Variants in MCF2L observed in about 807,000 individuals in gnomAD.
MCF2L encodes guanine nucleotide exchange factor DBS.
Under a neutral mutation model 153.4 loss-of-function variants are expected in MCF2L, and 97 were observed. The observed-to-expected ratio is 0.63, with a 90% CI of 0.54 to 0.75. The LOEUF (loss-of-function observed/expected upper bound fraction) is 0.75, where lower values mean the gene tolerates loss of function less well. MCF2L is among the 30% of genes least tolerant of loss of function. MCF2L has a pLI of 0.00. For missense variants in MCF2L, 1,347 were observed against 1,495.2 expected, an observed-to-expected ratio of 0.90 and a Z score of 1.64; for synonymous variants, 659 against 632.2, an observed-to-expected ratio of 1.04 and a Z score of -0.64.
chr13:112,942,290 A>G (rs1163279949), intron 2 of MCF2L, among the ~76,000 whole-genome samples: 1 of 152,198 alleles, frequency 6.6e-6, no homozygotes, highest in Non-Finnish European at 1.5e-5. Flanking sequence ...ATAATGGCGT[A>G]AGCTGTCTCT....
chr13:112,989,948 C>A (rs552930476), intron 1 of MCF2L, among the ~76,000 whole-genome samples: 10 of 152,320 alleles, frequency 6.6e-5, no homozygotes, highest in African/African-American at 2.4e-4. Context: ...ATAAGGAGCT[C>A]ACAGCCTAGA....
chr13:113,095,445 AC>A, intron 27 of MCF2L: 2 of 1,081,960 alleles, frequency 1.8e-6, no homozygotes, highest in Non-Finnish European at 2.2e-6. Flanking sequence ...AGGAGGGGAA[AC>A]AGGCTGGTGG....
rs1044643355 is a variant in MCF2L at position 113,099,640 on chromosome 13, A to G, written c.*2781A>G. On this transcript the variant is annotated 3_prime_UTR_variant, in exon 30 of 30. Coordinates refer to ENST00000535094, the MANE Select transcript of MCF2L (RefSeq NM_001112732.3). ...AAAAGAGAATAACAAAATCAAAAGCAAAACTCAAACTTTGTACCTGAAAAA... is the reference window on the plus strand; with the variant it reads ...AAAAGAGAATAACAAAATCAAAAGCGAAACTCAAACTTTGTACCTGAAAAA... 2.0e-5 allele frequency: 3 copies of G among 152,248 alleles called. No homozygotes were observed. The highest frequency in any genetic ancestry group is 4.4e-5 in the Non-Finnish European group (3 of 68,040). 9.4% of individuals were successfully genotyped at this position (152,248 alleles called of 1,614,324 possible).
chr13:113,042,673 G>C (rs951527079), intron 3 of MCF2L: 1 of 152,272 alleles, frequency 6.6e-6, no homozygotes, highest in Non-Finnish European at 1.5e-5. Flanking sequence ...GGCACTGTGG[G>C]CAGTGAGGCA....
At chr13:113,033,107 A>T (rs1399871521) in intron 3 of MCF2L, among the ~76,000 whole-genome samples, 26 of 77,386 alleles carry the variant, frequency 3.4e-4, no homozygotes, top group Non-Finnish European at 6.1e-4. Flanking sequence ...GGCTGCCATG[A>T]CGTGAGTGGC....
At chr13:113,083,038 G>T (rs1163891511) in intron 17 of MCF2L, among the ~76,000 whole-genome samples, 1 of 152,196 alleles carries the variant, frequency 6.6e-6, no homozygotes, top group Non-Finnish European at 1.5e-5. Context: ...TCCCCCGAGC[G>T]ACCCGTGGCC....
chr13:113,095,605 C>G, intron 27 of MCF2L: 1 of 995,932 alleles, frequency 1.0e-6, no homozygotes, highest in South Asian at 4.5e-5. Context: ...TCCTCTTGCT[C>G]CAGGCCATCA....
At chr13:113,004,246 G>A (rs942404640) in intron 1 of MCF2L, among the ~76,000 whole-genome samples, 1 of 152,202 alleles carries the variant, frequency 6.6e-6, no homozygotes, top group African/African-American at 2.4e-5. Context: ...TGGCAGAGGA[G>A]GACGGGGCAC....
chr13:113,001,955 G>A (rs750666593), intron 1 of MCF2L: 167 of 1,592,194 alleles, frequency 1.0e-4, no homozygotes, highest in Middle Eastern at 6.1e-4. Flanking sequence ...ACCTCTGGGC[G>A]CTGTGGCTGC....
intron 2 of MCF2L, among the ~76,000 whole-genome samples, chr13:112,953,503 G>C (rs565022518): frequency 6.6e-6 from 1 of 152,346 alleles, no homozygotes; most frequent in South Asian, 2.1e-4. Context: ...AAGGGTGTTG[G>C]GAGCTCGAAG....
At chr13:113,076,725 C>T (rs2033519433) in intron 12 of MCF2L, among the ~76,000 whole-genome samples, 1 of 152,272 alleles carries the variant, frequency 6.6e-6, no homozygotes, top group Non-Finnish European at 1.5e-5. Context: ...GTGTGTTCTT[C>T]AGGAAGGGCC....
chr13:113,017,609 G>A (rs1057005304), intron 2 of MCF2L, among the ~76,000 whole-genome samples: 7 of 152,202 alleles, frequency 4.6e-5, no homozygotes, highest in Non-Finnish European at 8.8e-5. Flanking sequence ...CTGGCTCAGA[G>A]GTTTGCTGTC....
chr13:112,918,307 A>G (rs1246578185), intron 2 of MCF2L, among the ~76,000 whole-genome samples: 1 of 152,220 alleles, frequency 6.6e-6, no homozygotes, highest in Non-Finnish European at 1.5e-5. Flanking sequence ...TGGGGATCAC[A>G]GGAACGTCAC....
chr13:112,931,808 C>T (rs886694219), intron 2 of MCF2L, among the ~76,000 whole-genome samples: 4 of 152,064 alleles, frequency 2.6e-5, no homozygotes, highest in African/African-American at 7.2e-5. Context: ...CCCAAACCCA[C>T]GTGGATGGGG....
At chr13:112,959,472 G>A (rs997824721) in intron 2 of MCF2L, among the ~76,000 whole-genome samples, 4 of 152,062 alleles carry the variant, frequency 2.6e-5, no homozygotes, top group Non-Finnish European at 5.9e-5. Context: ...GTTCCTTCTC[G>A]AGAACACAGT....
At chr13:113,033,229 C>T (rs1439521417) in intron 3 of MCF2L, among the ~76,000 whole-genome samples, 45 of 126,426 alleles carry the variant, frequency 3.6e-4, no homozygotes, top group South Asian at 1.1e-3. Flanking sequence ...GAGTGGCCCC[C>T]GTGACGTGAG....
intron 9 of MCF2L, among the ~76,000 whole-genome samples, chr13:113,072,410 T>C (rs370863371): frequency 8.5e-5 from 13 of 152,330 alleles, no homozygotes; most frequent in African/African-American, 3.1e-4. Context: ...AGACTGGACA[T>C]CTCTGCTTTG....
intron 1 of MCF2L, among the ~76,000 whole-genome samples, chr13:113,011,412 ATGGACAGGTGGTGTGGACGG>A (rs2084086764): frequency 6.6e-6 from 1 of 151,772 alleles, no homozygotes; most frequent in East Asian, 1.9e-4. Context: ...AGTGCAGATG[ATGGACAGGTGGTGTGGACGG>A]TGGACAGGTG....
At chr13:112,920,700 G>A (rs1176250033) in intron 2 of MCF2L, among the ~76,000 whole-genome samples, 3 of 148,520 alleles carry the variant, frequency 2.0e-5, no homozygotes, top group Non-Finnish European at 4.5e-5. Flanking sequence ...TGGGTTGTGG[G>A]TGGGTGCTGG....
Sources: gnomAD v4.1 joint callset for allele counts (sites outside exome capture counted in the v4.1 genomes callset) on GRCh38, gnomAD v4.1.1 for gene constraint, MANE v1.5 for transcripts, NCBI Gene and HGNC (gene_info 2026-07-23, HGNC 2026-07-21) for gene names.